The following SELENOI variants were observed in gnomAD, a reference collection of about 807,000 sequenced individuals.
The protein encoded by SELENOI is selenoprotein I, also known as ethanolaminephosphotransferase 1.
A neutral mutation model predicts 50.7 loss-of-function variants in SELENOI; 24 were observed. That is an observed-to-expected ratio of 0.47 (90% confidence interval 0.34 to 0.67). SELENOI has a LOEUF of 0.67. Among genes scored for constraint, SELENOI ranks in the 30% least tolerant of loss-of-function variants. SELENOI has a pLI of 0.01. For missense variants in SELENOI, 352 were observed against 461.4 expected, an observed-to-expected ratio of 0.76 and a Z score of 2.17; for synonymous variants, 155 against 170.2, an observed-to-expected ratio of 0.91 and a Z score of 0.70.
intron 1 of SELENOI, among the ~76,000 whole-genome samples, chr2:26,358,529 A>G (rs2147946938): frequency 6.6e-6 from 1 of 152,334 alleles, no homozygotes; most frequent in East Asian, 1.9e-4. Flanking sequence ...CCGGTCCATA[A>G]TAGCAGTCTT....
At chr2:26,382,780 C>G (rs1002030349) in intron 6 of SELENOI, among the ~76,000 whole-genome samples, 1 of 151,490 alleles carries the variant, frequency 6.6e-6, no homozygotes, top group Non-Finnish European at 1.5e-5. Flanking sequence ...TTGCTTGACC[C>G]AGTAGTTCGT....
In SELENOI at chr2:26,392,792, G is replaced by GTA. The variant is rs1677999607; in HGVS notation, c.*3690_*3691dup. On this transcript the variant is annotated 3_prime_UTR_variant, in exon 10 of 10. Coordinates refer to ENST00000260585, the MANE Select transcript of SELENOI (RefSeq NM_033505.4). ...ATCTTGACCTCAGTTCTGGATTTAA[G>GTA]TACTCTATAGAAAATTTGTGAAGTC... 1 of 152,218 alleles carries GTA rather than the reference G, an allele frequency of 6.6e-6. No individual in the cohort carries two copies. The highest frequency in any genetic ancestry group is 2.4e-5 in the African/African-American group (1 of 41,464). The allele number at this position is 152,218 out of a possible 1,614,324, so 9.4% of individuals were successfully genotyped here.
At chr2:26,372,579 G>A (rs1200371513) in intron 4 of SELENOI, among the ~76,000 whole-genome samples, 1 of 152,206 alleles carries the variant, frequency 6.6e-6, no homozygotes, top group Non-Finnish European at 1.5e-5. Context: ...GGAGGCAGTA[G>A]GTCTATAAAG....
chr2:26,350,841 G>GGA lies in SELENOI; in HGVS notation c.57+4565_57+4566dup, dbSNP rs141682950. On this transcript the variant is annotated intron_variant, in intron 1 of 9. Coordinates refer to ENST00000260585, the MANE Select transcript of SELENOI (RefSeq NM_033505.4). ...GTATATTTATATTATATAGAGAGAA[G>GGA]GAGAGAGAGAGAGATGCTGCTCCAT... Among the ~76,000 whole-genome samples the GGA allele has an allele frequency of 5.3e-5, 8 of 151,806 alleles. No individual in the cohort carries two copies. The East Asian group carries it at 9.6e-4, about 18-fold the overall frequency.
intron 6 of SELENOI, among the ~76,000 whole-genome samples, chr2:26,377,288 C>A (rs911125106): frequency 1.3e-5 from 2 of 151,582 alleles, no homozygotes; most frequent in Non-Finnish European, 2.9e-5. Flanking sequence ...TTTCTTCTGC[C>A]ATCTCCAATA....
intron 4 of SELENOI, among the ~76,000 whole-genome samples, chr2:26,371,389 C>T (rs571063693): frequency 2.3e-3 from 345 of 152,000 alleles, no homozygotes; most frequent in Non-Finnish European, 3.8e-3. Flanking sequence ...GGCAGCCGGG[C>T]AGAGACGCTC....
At chr2:26,350,633 A>T (rs1676936997) in intron 1 of SELENOI, among the ~76,000 whole-genome samples, 1 of 152,182 alleles carries the variant, frequency 6.6e-6, no homozygotes, top group Admixed American at 6.5e-5. Flanking sequence ...TCTTCAAATA[A>T]CTCAGTTTGG....
chr2:26,372,034 C>T (rs1373542162), intron 4 of SELENOI, among the ~76,000 whole-genome samples: 1 of 152,178 alleles, frequency 6.6e-6, no homozygotes, highest in Admixed American at 6.5e-5. Context: ...ATTATCTTAG[C>T]CTAAAGAGAA....
chr2:26,387,677 C>T (rs1192648808), intron 9 of SELENOI, among the ~76,000 whole-genome samples: 1 of 108,588 alleles, frequency 9.2e-6, no homozygotes. Flanking sequence ...GCCTGAGTGA[C>T]AAAGTGAGAC....
At chr2:26,364,231 C>T (rs1325246830) in intron 1 of SELENOI, 71 bp from the exon 2 acceptor site, 2 of 1,134,010 alleles carry the variant, frequency 1.8e-6, no homozygotes, top group East Asian at 5.1e-5. Flanking sequence ...ATTATTTTCA[C>T]CTAAGAAATG....
chr2:26,363,860 C>T (rs192896457), intron 1 of SELENOI, among the ~76,000 whole-genome samples: 20 of 152,178 alleles, frequency 1.3e-4, no homozygotes, highest in Admixed American at 9.8e-4. Context: ...TTTGCCTCAG[C>T]CTCCCAAGTA....
chr2:26,346,514 C>A, intron 1 of SELENOI: 1 of 489,178 alleles, frequency 2.0e-6, no homozygotes, highest in Admixed American at 4.0e-5. Context: ...TTTCCTTTTC[C>A]TTAGGAGAGC....
At position 26,389,959 on chromosome 2, in the gene SELENOI, G is replaced by C. The variant is rs1677928076; in HGVS notation, c.*856G>C. Reference sequence around the variant, plus strand: ...CCTTGTAAGATAAATATAAATTGGAGTTAGGAATTTCATGAACCTCACTAT... The same window carrying C: ...CCTTGTAAGATAAATATAAATTGGACTTAGGAATTTCATGAACCTCACTAT... On this transcript the variant is annotated 3_prime_UTR_variant, in exon 10 of 10. Transcript: ENST00000260585. 2.0e-5 allele frequency: 3 copies of C among 151,636 alleles called. No homozygotes were observed. In the South Asian group the frequency reaches 6.3e-4, roughly 32 times the overall value. 9.4% of individuals were successfully genotyped at this position (151,636 alleles called of 1,614,324 possible). A position where few individuals can be genotyped will look rare whatever the true frequency, so the allele number is the denominator to read the frequency against.
rs1275718290 is a variant in SELENOI at position 26,390,868 on chromosome 2, ATAAAATG to A, written c.*1767_*1773del. On this transcript the variant is annotated 3_prime_UTR_variant, in exon 10 of 10. Coordinates refer to ENST00000260585, the MANE Select transcript of SELENOI (RefSeq NM_033505.4). ...TTTGTGATCTATAAAATTAAACTGG[ATAAAATG>A]TTAATTGGGGGTAGGGAAAAAGCTT... 6.6e-6 allele frequency: 1 copy of A among 152,228 alleles called. No individual in the cohort carries two copies. The highest frequency in any genetic ancestry group is 1.5e-5 in the Non-Finnish European group (1 of 68,042). 9.4% of individuals were successfully genotyped at this position (152,228 alleles called of 1,614,324 possible).
At chr2:26,364,111 C>T (rs1377978985) in intron 1 of SELENOI, among the ~76,000 whole-genome samples, 191 bp from the exon 2 acceptor site, 2 of 125,184 alleles carry the variant, frequency 1.6e-5, no homozygotes, top group African/African-American at 3.1e-5. Context: ...GAGATGGGAT[C>T]TCACTATGTT....
intron 1 of SELENOI, among the ~76,000 whole-genome samples, chr2:26,350,969 T>C (rs1039086611): frequency 6.6e-6 from 1 of 152,146 alleles, no homozygotes; most frequent in African/African-American, 2.4e-5. Flanking sequence ...ACCTTAAATG[T>C]GCTCAGAACA....
Position 26,370,816 on chromosome 2 carries a change from T to C in SELENOI, c.311-2551T>C, listed in dbSNP as rs1334515673. Among the ~76,000 whole-genome samples the C allele has an allele frequency of 1.6e-4, 19 of 116,582 alleles. No individual in the cohort carries two copies. In the South Asian group the frequency reaches 5.6e-3, roughly 34 times the overall value. The allele number at this position is 116,582 out of a possible 152,430, so 76.5% of individuals were successfully genotyped here. A position where few individuals can be genotyped will look rare whatever the true frequency, so the allele number is the denominator to read the frequency against. The stretch of plus-strand genomic sequence containing the variant: ...CTCCTCACCTCCCGGACGGGGCGGC[T>C]GGCCGGGCGGGGGGCTGACACCCCC... On this transcript the variant is annotated intron_variant, in intron 4 of 9. Transcript: ENST00000260585.
chr2:26,360,021 A>T (rs1574752104), intron 1 of SELENOI, among the ~76,000 whole-genome samples: 1 of 152,250 alleles, frequency 6.6e-6, no homozygotes, highest in African/African-American at 2.4e-5. Context: ...GAGCCAAGCA[A>T]GTCATGCCAG....
Position 26,389,951 on chromosome 2 carries a change from A to G in SELENOI, c.*848A>G, listed in dbSNP as rs1444840397. 1 of 151,802 alleles carries G rather than the reference A, an allele frequency of 6.6e-6. No homozygotes were observed. The highest frequency in any genetic ancestry group is 1.5e-5 in the Non-Finnish European group (1 of 67,926). 9.4% of individuals were successfully genotyped at this position (151,802 alleles called of 1,614,324 possible). ...TAAAAGTACCTTGTAAGATAAATAT[A>G]AATTGGAGTTAGGAATTTCATGAAC... is the stretch of plus-strand genomic sequence containing the variant. On this transcript the variant is annotated 3_prime_UTR_variant, in exon 10 of 10. Coordinates refer to ENST00000260585, the MANE Select transcript of SELENOI (RefSeq NM_033505.4).
Sources: allele counts gnomAD v4.1 joint callset (sites outside exome capture counted in the v4.1 genomes callset), GRCh38; gene constraint gnomAD v4.1.1; transcripts MANE v1.5; gene names NCBI Gene and HGNC (gene_info 2026-07-23, HGNC 2026-07-21).